The following PDIA2 variants were observed in gnomAD, a reference collection of about 807,000 sequenced individuals.
PDIA2 encodes protein disulfide isomerase family A member 2, also known as protein disulfide-isomerase A2.
A neutral mutation model predicts 51.1 loss-of-function variants in PDIA2; 76 were observed. The ratio of observed to expected loss-of-function variants is 1.49; its 90% CI spans 1.24 to 1.80. PDIA2 has a LOEUF of 1.80. PDIA2 is among the 40% of genes most tolerant of loss of function. The pLI is 0.00. For synonymous variants in PDIA2, 429 were observed against 309.9 expected (o/e 1.38, Z -4.04); for missense variants, 946 against 706.5 (o/e 1.34, Z -3.84).
rs750565788 is a variant in PDIA2 at position 284,691 on chromosome 16, C to G, written c.439C>G (p.Leu147Val). Residue 147 changes from leucine (L) to valine (V), a missense_variant, in exon 3 of 11, where the codon CTG becomes GTG. Physicochemically the swap from Leu to Val is conservative, Grantham distance 32 (BLOSUM62 1). Coordinates refer to ENST00000219406, the MANE Select transcript of PDIA2 (RefSeq NM_006849.4). ...GGACGCTGAGGGCATTGCCGAGTGG[C>G]TGCGACGGCGGGTGGGGCCCAGTGC... ...PRDAEGIAEW[L>V]RRRVGPSAMR... 2.5e-5 allele frequency: 39 copies of G among 1,585,814 alleles called. No homozygotes were observed. The highest frequency in any genetic ancestry group is 3.1e-5 in the Non-Finnish European group (36 of 1,171,148).
In PDIA2 at chr16:283,298, G is replaced by C; in HGVS notation, c.129G>C (p.Gly43=). 6.2e-7 allele frequency: 1 copy of C among 1,610,204 alleles called. No individual in the cohort carries two copies. The highest frequency in any genetic ancestry group is 8.5e-7 in the Non-Finnish European group (1 of 1,178,936). ...AGGAGGAAATCCCCAAGGAGGATGG[G>C]ATCTTGGTGCTGAGCCGCCACACCC... ...PPEEEIPKED[G]ILVLSRHTLG... is the part of the protein sequence containing the mutation. The change falls in exon 1 of 11, where the codon GGG becomes GGC. Residue 43 remains glycine (G), a synonymous_variant. Transcript: ENST00000219406.
Position 283,303 on chromosome 16 carries a change from T to C in PDIA2, c.134T>C (p.Leu45Ser), listed in dbSNP as rs962094564. 3.1e-6 allele frequency: 5 copies of C among 1,608,932 alleles called. No homozygotes were observed. In the African/African-American group the frequency reaches 6.7e-5, roughly 22 times the overall value. ...GAAATCCCCAAGGAGGATGGGATCT[T>C]GGTGCTGAGCCGCCACACCCTGGGC... ...EEEIPKEDGI[L>S]VLSRHTLGLA... The change falls in exon 1 of 11, where the codon TTG becomes TCG. Residue 45 changes from leucine to serine, a missense_variant. Physicochemically the swap from Leu to Ser is moderately radical, Grantham distance 145. Coordinates refer to ENST00000219406, the MANE Select transcript of PDIA2 (RefSeq NM_006849.4).
intron 5 of PDIA2, 42 bp from the exon 6 acceptor site, chr16:285,270 G>A (rs530052619): frequency 6.2e-7 from 1 of 1,612,006 alleles, no homozygotes; most frequent in African/African-American, 1.3e-5. Context: ...GGGTGCCTAG[G>A]CTGGGGGTCC....
rs770712356 is a variant in PDIA2 at position 284,946 on chromosome 16, C to T, written c.609C>T (p.Gly203=). The change falls in exon 4 of 11, where the codon GGC becomes GGT. Residue 203 remains glycine, a synonymous_variant. Transcript: ENST00000219406. ...AGGACGCCCTGGACATGACCTTTGG[C>T]CTCACAGACCGGCCGCGGCTCTTTC... ...LAQDALDMTF[G]LTDRPRLFQQ... is the part of the protein sequence containing the mutation. 7.4e-6 allele frequency: 12 copies of T among 1,613,242 alleles called. No homozygotes were observed. The highest frequency in any genetic ancestry group is 1.0e-5 in the Non-Finnish European group (12 of 1,180,028).
In PDIA2 at chr16:286,662, CCAA is replaced by C. The variant is rs747188824; in HGVS notation, c.1351_1353del (p.Asn451del). 1.2e-6 allele frequency: 2 copies of C among 1,612,552 alleles called. No individual in the cohort carries two copies. Among genetic ancestry groups the C allele is most frequent in the African/African-American group, 2.7e-5 (2 of 74,928 alleles). On this transcript the variant is annotated inframe_deletion, in exon 9 of 11. Transcript: ENST00000219406. ...ATCATTGCTGAGCTGGATGCCACGG[CCAA>C]CGAGCTGGATGCCTTCGCTGTGCAC...
chr16:283,659 C>T (rs1433220398), intron 1 of PDIA2, among the ~76,000 whole-genome samples: 1 of 152,220 alleles, frequency 6.6e-6, no homozygotes, highest in Non-Finnish European at 1.5e-5. Context: ...GCCACTCCTC[C>T]AGCTGCCAGG....
rs566938993 is a variant in PDIA2, at chr16:284,463, A to T, written c.276A>T (p.Ser92=). Residue 92 remains serine (S), a synonymous_variant, in exon 2 of 11, where the codon TCA becomes TCT. Coordinates refer to ENST00000219406, the MANE Select transcript of PDIA2 (RefSeq NM_006849.4). ...CAGCTGCCGTGCTCGCGGCCGAGTC[A>T]ATGGTGGTCACGCTGGCCAAGGTGG... The part of the protein sequence containing the change: ...SKAAAVLAAE[S]MVVTLAKVDG... 3 of 1,604,452 alleles carry T rather than the reference A, an allele frequency of 1.9e-6. No homozygotes were observed. Among genetic ancestry groups the T allele is most frequent in the Non-Finnish European group, 2.5e-6 (3 of 1,176,650 alleles).
Position 285,350 on chromosome 16 carries a change from CCTG to C in PDIA2, c.841_843del (p.Leu281del). 1.2e-6 allele frequency: 2 copies of C among 1,613,000 alleles called. No homozygotes were observed. The highest frequency in any genetic ancestry group is 1.7e-6 in the Non-Finnish European group (2 of 1,179,938). On this transcript the variant is annotated inframe_deletion, in exon 6 of 11. Transcript: ENST00000219406. ...TCTTCGCGGCCAGGATCCTCAACCA[CCTG>C]CTGCTGTTTGTCAACCAGACGCTGG...
chr16:284,986 A>G lies in PDIA2; in HGVS notation c.649A>G (p.Thr217Ala), dbSNP rs764918166. ...RPRLFQQFGL[T>A]KDTVVLFKKF... ...GCGGCTCTTTCAGCAGTTTGGCCTC[A>G]CCAAGGACACTGTGGTTCTCTTCAA... The change falls in exon 4 of 11, where the codon ACC (threonine) becomes GCC (alanine). Residue 217 changes from threonine to alanine, a missense_variant. Transcript: ENST00000219406. 5.6e-6 allele frequency: 9 copies of G among 1,613,292 alleles called. No homozygotes were observed. The highest frequency in any genetic ancestry group is 1.3e-5 in the African/African-American group (1 of 74,934).
At chr16:283,407 G>A (rs768356353) in intron 1 of PDIA2, 39 bp downstream of exon 1, 1 of 1,526,574 alleles carries the variant, frequency 6.6e-7, no homozygotes, top group Non-Finnish European at 8.8e-7. Flanking sequence ...ACCGGCGGGG[G>A]ACCGGCAGAG....
intron 1 of PDIA2, among the ~76,000 whole-genome samples, chr16:283,910 G>GGCCA (rs1371771794): frequency 1.3e-5 from 2 of 152,150 alleles, no homozygotes; most frequent in Non-Finnish European, 2.9e-5. Flanking sequence ...TGTCGCCCAG[G>GGCCA]CTGGAGTGCA....
chr16:283,894 T>C (rs2052318406), intron 1 of PDIA2, among the ~76,000 whole-genome samples: 2 of 152,214 alleles, frequency 1.3e-5, no homozygotes, highest in African/African-American at 4.8e-5. Flanking sequence ...GATGGAGTTT[T>C]GCTTTTGTCG....
At chr16:285,878 C>CAA (rs1567250714) in intron 7 of PDIA2, among the ~76,000 whole-genome samples, 175 bp downstream of exon 7, 1 of 124,656 alleles carries the variant, frequency 8.0e-6, no homozygotes. Flanking sequence ...CCCGGCGGTT[C>CAA]TCCCAACCCC....
intron 7 of PDIA2, 145 bp downstream of exon 7, chr16:285,848 G>GGCGGTTCTCCCAACCCCAACCCC (rs2052351724): frequency 2.2e-6 from 2 of 892,674 alleles, no homozygotes; most frequent in East Asian, 5.6e-5. Flanking sequence ...CTCCCAACCC[G>GGCGGTTCTCCCAACCCCAACCCC]GCGGTTCTCC....
At position 286,885 on chromosome 16, in the gene PDIA2, G is replaced by T. The variant is rs763133436; in HGVS notation, c.1473G>T (p.Leu491=). ...ACCTGGAGACTTTCTCCAAGTTCCT[G>T]GACAACGGGGGCGTGCTGCCCACGG... ...TRDLETFSKF[L]DNGGVLPTEE... Residue 491 remains leucine, a synonymous_variant, in exon 10 of 11, where the codon CTG becomes CTT. Transcript: ENST00000219406. The T allele has an allele frequency of 2.5e-6, 4 of 1,604,368 alleles. No individual in the cohort carries two copies. The Admixed American group carries it at 7.0e-5, about 28-fold the overall frequency.
Position 283,220 on chromosome 16 carries a change from G to C in PDIA2, c.51G>C (p.Ser17=). 6.2e-7 allele frequency: 1 copy of C among 1,607,866 alleles called. No homozygotes were observed. Among genetic ancestry groups the C allele is most frequent in the Admixed American group, 1.7e-5 (1 of 59,512 alleles). ...PVLLLLLLRA[S]CPWGQEQGAR... is the part of the protein sequence containing the mutation. ...TGCTGCTGCTGCTGCTCAGGGCTTC[G>C]TGCCCATGGGGTCAGGAACAGGGAG... Residue 17 remains serine (S), a synonymous_variant, in exon 1 of 11, where the codon TCG becomes TCC. Transcript: ENST00000219406.
Position 285,248 on chromosome 16 carries a change from G to A in PDIA2, c.795+48G>A, listed in dbSNP as rs199782536. On this transcript the variant is annotated intron_variant, in intron 5 of 10. Transcript: ENST00000219406. ...GCTGGGGGTGTCCCAGGGTAGAGTC[G>A]TCCAGGGATGGGGGTGCCTAGGCTG... The A allele has an allele frequency of 7.9e-5, 128 of 1,612,356 alleles. No homozygotes were observed. In the African/African-American group the frequency reaches 9.9e-4, roughly 12 times the overall value.
In PDIA2 at chr16:286,476, G is replaced by A; in HGVS notation, c.1240+3G>A. On this transcript the variant is annotated splice_donor_region_variant and intron_variant, in intron 8 of 10. Transcript: ENST00000219406. ...CAAGAATGTGTTTGTCAAGTTCTGT[G>A]AGTGTTGAGGGAGGCAGGGGTGGTG... 2 of 1,613,274 alleles carry A rather than the reference G, an allele frequency of 1.2e-6. No homozygotes were observed. Among genetic ancestry groups the A allele is most frequent in the Non-Finnish European group, 1.7e-6 (2 of 1,179,910 alleles).
At chr16:284,291 T>C (rs2052324241) in intron 1 of PDIA2, 96 bp from the exon 2 acceptor site, 1 of 1,253,106 alleles carries the variant, frequency 8.0e-7, no homozygotes, top group African/African-American at 1.5e-5. Flanking sequence ...CAGGGCAGAA[T>C]GGAGCAGCAC....
Sources: allele counts gnomAD v4.1 joint callset (sites outside exome capture counted in the v4.1 genomes callset), GRCh38; gene constraint gnomAD v4.1.1; transcripts MANE v1.5; gene names NCBI Gene and HGNC (gene_info 2026-07-23, HGNC 2026-07-21).